Variants in LTBP2 observed in about 807,000 individuals in gnomAD.
The protein encoded by LTBP2 is latent transforming growth factor beta binding protein 2.
A neutral mutation model predicts 210.6 loss-of-function variants in LTBP2; 103 were observed. That is an observed-to-expected ratio of 0.49 (90% CI 0.42 to 0.58). The LOEUF is 0.58. LTBP2 is among the 20% of genes least tolerant of loss of function. LTBP2 has a pLI of 0.00. For synonymous variants in LTBP2, 1,007 were observed against 1,015.0 expected (o/e 0.99, Z 0.15); for missense variants, 2,313 against 2,494.5 (o/e 0.93, Z 1.55).
At chr14:74,517,099 G>C (rs1180802002) in intron 17 of LTBP2, among the ~76,000 whole-genome samples, 158 bp from the exon 18 acceptor site, 1 of 152,190 alleles carries the variant, frequency 6.6e-6, no homozygotes, top group East Asian at 1.9e-4. Flanking sequence ...ATTGCCTGGA[G>C]GGGCTCCTGG....
chr14:74,593,103 T>C (rs1359755208), intron 2 of LTBP2, among the ~76,000 whole-genome samples: 7 of 152,200 alleles, frequency 4.6e-5, no homozygotes, highest in African/African-American at 1.7e-4. Context: ...ATTGTTCCCC[T>C]AATCTCCCCA....
In LTBP2 at chr14:74,506,880, C is replaced by CAT. The variant is rs1555347805; in HGVS notation, c.3908-58_3908-57insAT. On this transcript the variant is annotated intron_variant, in intron 26 of 35. Transcript: ENST00000261978. ...GTGTGTGTGTGTGTGTGTGTGTGTGCGCGCGCGCGTGTGTGCTCACTCTCT... is the reference window on the plus strand; with the variant it reads ...GTGTGTGTGTGTGTGTGTGTGTGTGCATGCGCGCGCGTGTGTGCTCACTCTCT... 439 of 1,514,852 alleles carry CAT rather than the reference C, an allele frequency of 2.9e-4. 2 individuals are homozygous for CAT. In the East Asian group the frequency reaches 3.4e-3, roughly 12 times the overall value. The allele number at this position is 1,514,852 out of a possible 1,614,324, so 93.8% of individuals were successfully genotyped here.
intron 26 of LTBP2, 61 bp from the exon 27 acceptor site, chr14:74,506,884 C>CATGCGT (rs2086998331): frequency 6.6e-7 from 1 of 1,506,034 alleles, no homozygotes. Flanking sequence ...TGTGTGCGCG[C>CATGCGT]GCGCGTGTGT....
intron 17 of LTBP2, among the ~76,000 whole-genome samples, chr14:74,521,282 G>A (rs1363156316): frequency 1.3e-5 from 2 of 152,204 alleles, no homozygotes; most frequent in Non-Finnish European, 2.9e-5. Flanking sequence ...GAATCTTAAG[G>A]TGTTGCTTAG....
rs961688180 is a variant in LTBP2, at chr14:74,509,877, A to C, written c.3152-18T>G. ...ATCCACATCTGAAATAGGGCATTGC[A>C]TTCTGTGTGGGACTCTGCAGGACAG... On this transcript the variant is annotated intron_variant, in intron 20 of 35. Transcript: ENST00000261978. 1 of 1,613,968 alleles carries C rather than the reference A, an allele frequency of 6.2e-7. No individual in the cohort carries two copies. Among genetic ancestry groups the C allele is most frequent in the Non-Finnish European group, 8.5e-7 (1 of 1,180,010 alleles).
At position 74,507,626 on chromosome 14, in the gene LTBP2, A is replaced by G. The variant is rs201847229; in HGVS notation, c.3776-316T>C. 2.6e-5 allele frequency among the ~76,000 whole-genome samples: 4 copies of G among 152,356 alleles called. No homozygotes were observed. In the East Asian group the frequency reaches 7.7e-4, roughly 29 times the overall value. ...CTTCTCTTTACACGAAGCCTTCAGC[A>G]TAGTGTATTACAGAGAGTTGTCTTC... On this transcript the variant is annotated intron_variant, in intron 25 of 35. Coordinates refer to ENST00000261978, the MANE Select transcript of LTBP2 (RefSeq NM_000428.3).
chr14:74,549,835 A>G (rs1222703104), intron 8 of LTBP2, 28 bp downstream of exon 8: 1 of 1,583,040 alleles, frequency 6.3e-7, no homozygotes, highest in African/African-American at 1.3e-5. Context: ...TTCCTCCACA[A>G]CACGTGACCT....
At chr14:74,585,747 ACT>A in intron 3 of LTBP2, 105 bp downstream of exon 3, 1 of 1,542,160 alleles carries the variant, frequency 6.5e-7, no homozygotes, top group African/African-American at 1.4e-5. Context: ...AGAAGGGAGG[ACT>A]CTGCGGCCTT....
intron 1 of LTBP2, among the ~76,000 whole-genome samples, chr14:74,609,158 G>A (rs1400991595): frequency 6.6e-6 from 1 of 152,204 alleles, no homozygotes; most frequent in Non-Finnish European, 1.5e-5. Flanking sequence ...ATGGACCAGG[G>A]TGGAGGAAGA....
chr14:74,597,113 G>A (rs867447293), intron 2 of LTBP2, among the ~76,000 whole-genome samples: 3 of 152,352 alleles, frequency 2.0e-5, no homozygotes, highest in South Asian at 2.1e-4. Context: ...GTAGTGAGCA[G>A]AGGAGAAGCA....
chr14:74,576,922 G>A (rs968928565), intron 3 of LTBP2, among the ~76,000 whole-genome samples: 2 of 152,054 alleles, frequency 1.3e-5, no homozygotes, highest in African/African-American at 2.4e-5. Context: ...TTTCACACAC[G>A]TCTTAGTTAA....
Position 74,522,032 on chromosome 14 carries a change from G to A in LTBP2, c.2667C>T (p.Asn889=), listed in dbSNP as rs546041607. The A allele has an allele frequency of 1.4e-4, 226 of 1,612,560 alleles. No homozygotes were observed. The Admixed American group carries it at 2.5e-3, about 18-fold the overall frequency. The change falls in exon 17 of 36, where the codon AAC becomes AAT. Residue 889 remains asparagine, a synonymous_variant. Transcript: ENST00000261978. The stretch of plus-strand genomic sequence containing the variant: ...CCTTGCAGGGGTCCCTCAGACACTC[G>A]TTGTCATCTGACCAGAAGAAGGCAG... The part of the protein sequence containing the change: ...HPSQAYCTDD[N]ECLRDPCKGK...
At chr14:74,542,448 G>A (rs1217489466) in intron 8 of LTBP2, among the ~76,000 whole-genome samples, 1 of 152,168 alleles carries the variant, frequency 6.6e-6, no homozygotes, top group Non-Finnish European at 1.5e-5. Flanking sequence ...CCACAGGGCT[G>A]TTTACAAGCT....
intron 12 of LTBP2, among the ~76,000 whole-genome samples, chr14:74,527,924 C>A (rs529982792): frequency 1.3e-5 from 2 of 152,254 alleles, no homozygotes; most frequent in Non-Finnish European, 2.9e-5. Context: ...AGTTTGCTGG[C>A]GCTATGACGT....
chr14:74,608,715 G>GAAAAAAAA (rs5809673), intron 1 of LTBP2, among the ~76,000 whole-genome samples: 5 of 116,262 alleles, frequency 4.3e-5, no homozygotes, highest in Admixed American at 8.7e-5. Context: ...TCAAAAAAAA[G>GAAAAAAAA]AAAAAAAAAA....
In LTBP2 at chr14:74,598,714, C is replaced by A. The variant is rs557447876; in HGVS notation, c.565+4921G>T. On this transcript the variant is annotated intron_variant, in intron 2 of 35. Transcript: ENST00000261978. ...GCAACCGAGACACAAAGACTTTAAG[C>A]AGCCTGCCCATAGCCCCTCAGCCAC... 2.0e-5 allele frequency among the ~76,000 whole-genome samples: 3 copies of A among 152,338 alleles called. No homozygotes were observed. In the South Asian group the frequency reaches 6.2e-4, roughly 32 times the overall value.
In LTBP2 at chr14:74,521,769, G is replaced by A; in HGVS notation, c.2788+142C>T. On this transcript the variant is annotated intron_variant, in intron 17 of 35. Coordinates refer to ENST00000261978, the MANE Select transcript of LTBP2 (RefSeq NM_000428.3). ...AGCCTCCTCCCAGATCCAGGCTGGA[G>A]TTCTGGTCTCTCCTCCTTCACTCCT... is the stretch of plus-strand genomic sequence containing the variant. The A allele has an allele frequency of 2.5e-6, 3 of 1,176,602 alleles. No homozygotes were observed. In the East Asian group the frequency reaches 7.1e-5, roughly 28 times the overall value. 72.9% of individuals were successfully genotyped at this position (1,176,602 alleles called of 1,614,324 possible).
chr14:74,593,374 C>A (rs912756066), intron 2 of LTBP2, among the ~76,000 whole-genome samples: 1 of 152,138 alleles, frequency 6.6e-6, no homozygotes, highest in Non-Finnish European at 1.5e-5. Context: ...TTGGTTTGAC[C>A]CCAGCTCTGC....
Position 74,506,150 on chromosome 14 carries a change from C to T in LTBP2, c.4075G>A (p.Ala1359Thr), listed in dbSNP as rs368195399. Reference sequence around the variant, plus strand: ...GAGCCCTCCACGTTCTCACAGAGCGCGGCCCCACATACCGCCAGCATAAGC... The same window carrying T: ...GAGCCCTCCACGTTCTCACAGAGCGTGGCCCCACATACCGCCAGCATAAGC... ...CELMLAVCGA[A>T]LCENVEGSFL... Residue 1359 changes from alanine (A) to threonine (T), a missense_variant, in exon 28 of 36, where the codon GCG becomes ACG. Around this residue, in one of 3 missense-constraint regions of LTBP2, gnomAD observed 1,867 missense variants for 1,976.9 expected, o/e 0.94. Transcript: ENST00000261978. 3.0e-5 allele frequency: 49 copies of T among 1,614,120 alleles called. No homozygotes were observed. The highest frequency in any genetic ancestry group is 1.2e-4 in the Admixed American group (7 of 60,012).
Sources: allele counts gnomAD v4.1 joint callset (sites outside exome capture counted in the v4.1 genomes callset), GRCh38; gene constraint gnomAD v4.1.1; regional missense constraint gnomAD v4.1.1; transcripts MANE v1.5; gene names NCBI Gene and HGNC (gene_info 2026-07-23, HGNC 2026-07-21).